CLYBL: variants seen among roughly 807,000 people sequenced by gnomAD.
CLYBL encodes citramalyl-CoA lyase, mitochondrial.
A neutral mutation model predicts 38.9 loss-of-function variants in CLYBL; 31 were observed. The ratio of observed to expected loss-of-function variants is 0.80; its 90% CI spans 0.60 to 1.08. The LOEUF is 1.08. Among genes scored for constraint, CLYBL ranks in the 50% least tolerant of loss-of-function variants. The probability of loss-of-function intolerance (pLI) is 0.00; values close to 1 mark genes in which losing one functional copy is unlikely to be tolerated. For missense variants in CLYBL, 434 were observed against 411.6 expected (o/e 1.05, Z -0.47); for synonymous variants, 171 against 158.6 (o/e 1.08, Z -0.59).
chr13:99,907,948 C>T (rs1226772007), intron 9 of CLYBL, among the ~76,000 whole-genome samples: 1 of 152,220 alleles, frequency 6.6e-6, no homozygotes, highest in African/African-American at 2.4e-5. Context: ...GACTGCACCC[C>T]ATGGGCACCT....
At chr13:99,663,719 G>C (rs578172218) in intron 1 of CLYBL, among the ~76,000 whole-genome samples, 1 of 152,158 alleles carries the variant, frequency 6.6e-6, no homozygotes, top group Non-Finnish European at 1.5e-5. Context: ...ACCTTTGTGC[G>C]GAAGCCAGCT....
At chr13:99,659,487 T>TGAA (rs1273622037) in intron 1 of CLYBL, among the ~76,000 whole-genome samples, 1 of 152,188 alleles carries the variant, frequency 6.6e-6, no homozygotes, top group Non-Finnish European at 1.5e-5. Context: ...GTGCCTTCAG[T>TGAA]TTCACTACAT....
chr13:99,713,370 T>G lies in CLYBL; in HGVS notation c.63-59454T>G, dbSNP rs2048264381. Among the ~76,000 whole-genome samples the G allele has an allele frequency of 9.4e-5, 14 of 148,280 alleles. No homozygotes were observed. The South Asian group carries it at 3.0e-3, about 32-fold the overall frequency. The stretch of plus-strand genomic sequence containing the variant: ...TTTTTTTTTTTTTAAGACAGAGTCT[T>G]GGTCTGTCGCCCAGGCTGGAGTGCA... On this transcript the variant is annotated intron_variant, in intron 1 of 8. Transcript: ENST00000339105.
intron 1 of CLYBL, among the ~76,000 whole-genome samples, chr13:99,738,487 G>C (rs1366716744): frequency 6.6e-6 from 1 of 152,128 alleles, no homozygotes; most frequent in East Asian, 1.9e-4. Flanking sequence ...ATGATGACTT[G>C]GATGGTACCT....
intron 1 of CLYBL, among the ~76,000 whole-genome samples, chr13:99,752,151 G>A (rs1478261011): frequency 1.3e-5 from 2 of 152,164 alleles, no homozygotes; most frequent in Non-Finnish European, 2.9e-5. Context: ...GTGTAAATTA[G>A]CACAACTCCA....
intron 8 of CLYBL, among the ~76,000 whole-genome samples, chr13:99,903,232 A>C (rs915251521): frequency 2.0e-5 from 3 of 152,240 alleles, no homozygotes; most frequent in African/African-American, 7.2e-5. Context: ...TGCTAGGCAG[A>C]CATTGCCATG....
intron 1 of CLYBL, among the ~76,000 whole-genome samples, chr13:99,668,325 G>A (rs9517820): frequency 1.3e-4 from 19 of 150,684 alleles, no homozygotes; most frequent in Non-Finnish European, 2.1e-4. Flanking sequence ...GGTAGCTCAC[G>A]CCTGTAATCC....
intron 1 of CLYBL, among the ~76,000 whole-genome samples, chr13:99,629,871 C>T (rs185385528): frequency 2.6e-5 from 4 of 152,298 alleles, no homozygotes; most frequent in African/African-American, 9.6e-5. Context: ...TGTGCTTACC[C>T]TCTTGTGAGG....
chr13:99,767,395 T>G (rs925845846), intron 1 of CLYBL, among the ~76,000 whole-genome samples: 2 of 152,240 alleles, frequency 1.3e-5, no homozygotes, highest in Non-Finnish European at 2.9e-5. Flanking sequence ...TCTTTCACTT[T>G]TGAAAGTTTG....
At chr13:99,663,708 C>A (rs2047441032) in intron 1 of CLYBL, among the ~76,000 whole-genome samples, 1 of 152,170 alleles carries the variant, frequency 6.6e-6, no homozygotes, top group Admixed American at 6.5e-5. Flanking sequence ...GAGAGCTTGT[C>A]ACCTTTGTGC....
At chr13:99,803,034 ACT>A (rs1243099907) in intron 2 of CLYBL, among the ~76,000 whole-genome samples, 1 of 151,952 alleles carries the variant, frequency 6.6e-6, no homozygotes, top group African/African-American at 2.4e-5. Context: ...ATTGTGGTGG[ACT>A]CTCAAGATCT....
chr13:99,669,599 G>T (rs2047534870), intron 1 of CLYBL, among the ~76,000 whole-genome samples: 1 of 152,158 alleles, frequency 6.6e-6, no homozygotes, highest in East Asian at 1.9e-4. Context: ...CCTCTGAAAA[G>T]ATTTCTTAGT....
rs869061868 is a variant in CLYBL at position 99,833,030 on chromosome 13, ATTTTTTTTTTT to A, written c.250-25813_250-25803del. Among the ~76,000 whole-genome samples, 101 of 35,876 alleles carry A rather than the reference ATTTTTTTTTTT, an allele frequency of 2.8e-3. 2 individuals are homozygous for A. Among genetic ancestry groups the A allele is most frequent in the Non-Finnish European group, 3.6e-3 (82 of 22,540 alleles). The allele number at this position is 35,876 out of a possible 152,430, so 23.5% of individuals were successfully genotyped here. A position where few individuals can be genotyped will look rare whatever the true frequency, so the allele number is the denominator to read the frequency against. On this transcript the variant is annotated intron_variant, in intron 2 of 8. Transcript: ENST00000339105. ...TACATATATATATATATATATATAT[ATTTTTTTTTTT>A]TTTTTTTTTTTTTTTTTGAGATGGA...
chr13:99,859,759 T>C (rs1474273944), intron 3 of CLYBL, among the ~76,000 whole-genome samples: 1 of 152,220 alleles, frequency 6.6e-6, no homozygotes, highest in African/African-American at 2.4e-5. Flanking sequence ...ATTGTTTTAA[T>C]TGACAAAGGG....
At chr13:99,738,875 T>C (rs934761389) in intron 1 of CLYBL, among the ~76,000 whole-genome samples, 2 of 152,154 alleles carry the variant, frequency 1.3e-5, no homozygotes, top group African/African-American at 2.4e-5. Flanking sequence ...CAGCGTTCCC[T>C]GACTAGTTGG....
intron 7 of CLYBL, among the ~76,000 whole-genome samples, chr13:99,876,301 A>G (rs1251255855): frequency 6.6e-6 from 1 of 151,070 alleles, no homozygotes; most frequent in Non-Finnish European, 1.5e-5. Context: ...GGTGACTGTA[A>G]TCCCAGCTAC....
intron 2 of CLYBL, among the ~76,000 whole-genome samples, chr13:99,796,562 C>T (rs954181744): frequency 6.6e-6 from 1 of 152,176 alleles, no homozygotes; most frequent in Admixed American, 6.5e-5. Flanking sequence ...TGACAGATGA[C>T]AGATAAGGAA....
At chr13:99,659,547 G>T (rs1025472122) in intron 1 of CLYBL, among the ~76,000 whole-genome samples, 1 of 152,092 alleles carries the variant, frequency 6.6e-6, no homozygotes, top group Non-Finnish European at 1.5e-5. Flanking sequence ...TCATTTGTTG[G>T]TGGAGTCCTG....
In CLYBL at chr13:99,787,601, A is replaced by C. The variant is rs138741961; in HGVS notation, c.249+14591A>C. 7.1e-3 allele frequency among the ~76,000 whole-genome samples: 1,077 copies of C among 152,278 alleles called. 18 individuals are homozygous for C. Among genetic ancestry groups the C allele is most frequent in the African/African-American group, 0.024 (1,013 of 41,554 alleles). ...AGTACCATGCTGTTTTGGTTACTGT[A>C]GCCTTGTAGTATAGTTTGAAGTCAG... On this transcript the variant is annotated intron_variant, in intron 2 of 8. Coordinates refer to ENST00000339105, the MANE Select transcript of CLYBL (RefSeq NM_206808.5).
Sources: gnomAD v4.1 joint callset for allele counts (sites outside exome capture counted in the v4.1 genomes callset) on GRCh38, gnomAD v4.1.1 for gene constraint, MANE v1.5 for transcripts, NCBI Gene and HGNC (gene_info 2026-07-23, HGNC 2026-07-21) for gene names.